ARID1B: variants seen among roughly 807,000 people sequenced by gnomAD.
ARID1B encodes AT-rich interactive domain-containing protein 1B.
ARID1B carries 30 observed loss-of-function variants against 212.3 expected under a neutral mutation model. The observed-to-expected ratio is 0.14, with a 90% CI of 0.11 to 0.19. The LOEUF (loss-of-function observed/expected upper bound fraction) is 0.19, where lower values mean the gene tolerates loss of function less well. Among genes scored for constraint, ARID1B ranks in the 10% least tolerant of loss-of-function variants. ARID1B has a pLI of 1.00. For missense variants in ARID1B, 2,891 were observed against 3,204.0 expected (o/e 0.90, Z 2.36); for synonymous variants, 1,402 against 1,301.7 (o/e 1.08, Z -1.66).
At chr6:157,044,671 C>T (rs1167537681) in intron 4 of ARID1B, among the ~76,000 whole-genome samples, 2 of 152,116 alleles carry the variant, frequency 1.3e-5, no homozygotes, top group African/African-American at 4.8e-5. Flanking sequence ...TACATTTTTC[C>T]AGTTTTAATC....
At position 156,915,896 on chromosome 6, in the gene ARID1B, CA is replaced by C. The variant is rs201509884; in HGVS notation, c.2136+14383del. ...GGGTGGACACAGCAAGACTCCGTCT[CA>C]AAAAAAAAAAAGCCCCACCTCTTTT... On this transcript the variant is annotated intron_variant, in intron 3 of 19. Coordinates refer to ENST00000636930, the MANE Select transcript of ARID1B (RefSeq NM_001374828.1). Among the ~76,000 whole-genome samples, 405 of 132,214 alleles carry C rather than the reference CA, an allele frequency of 3.1e-3. 1 individual carries two copies. The highest frequency in any genetic ancestry group is 4.4e-3 in the African/African-American group (156 of 35,838). 86.7% of individuals were successfully genotyped at this position (132,214 alleles called of 152,430 possible).
chr6:156,792,559 A>C (rs980478422), intron 1 of ARID1B, among the ~76,000 whole-genome samples: 10 of 152,254 alleles, frequency 6.6e-5, no homozygotes, highest in Admixed American at 4.6e-4. Context: ...TGTAAAATTC[A>C]GTATAAATAA....
Position 157,198,807 on chromosome 6 carries a change from C to G in ARID1B, c.4383-4C>G, listed in dbSNP as rs754882642. 6.2e-7 allele frequency: 1 copy of G among 1,607,470 alleles called. No homozygotes were observed. The highest frequency in any genetic ancestry group is 8.5e-7 in the Non-Finnish European group (1 of 1,175,944). ...TTAAGTTTTCTTTGAATGCCTCATT[C>G]CAGGCATGAACCTTATGGGCAGCAG... is the stretch of plus-strand genomic sequence containing the variant. On this transcript the variant is annotated splice_polypyrimidine_tract_variant and splice_region_variant and intron_variant, in intron 16 of 19. Coordinates refer to ENST00000636930, the MANE Select transcript of ARID1B (RefSeq NM_001374828.1).
intron 1 of ARID1B, among the ~76,000 whole-genome samples, chr6:156,785,534 T>A (rs1036022807): frequency 3.0e-4 from 45 of 152,132 alleles, no homozygotes; most frequent in Non-Finnish European, 8.8e-5. Context: ...GTTTTTTTTT[T>A]AAATAGAGGT....
chr6:156,851,924 G>C (rs1784604239), intron 2 of ARID1B, among the ~76,000 whole-genome samples: 1 of 152,118 alleles, frequency 6.6e-6, no homozygotes, highest in African/African-American at 2.4e-5. Flanking sequence ...ATTCTTTAAA[G>C]GTATTATGGA....
At chr6:156,853,003 C>G (rs1329151580) in intron 2 of ARID1B, among the ~76,000 whole-genome samples, 1 of 152,198 alleles carries the variant, frequency 6.6e-6, no homozygotes, top group Non-Finnish European at 1.5e-5. Context: ...TGGCTGGAAG[C>G]TTTGTGCTTC....
chr6:156,897,619 C>A (rs1788587289), intron 2 of ARID1B, among the ~76,000 whole-genome samples: 1 of 150,294 alleles, frequency 6.7e-6, no homozygotes, highest in Non-Finnish European at 1.5e-5. Context: ...TGATCTGAGG[C>A]ATTTTTTTTT....
chr6:156,869,030 T>TA (rs962362685), intron 2 of ARID1B, among the ~76,000 whole-genome samples: 182 of 151,570 alleles, frequency 1.2e-3, no homozygotes, highest in African/African-American at 3.7e-3. Context: ...ATTTCTGATT[T>TA]AAAAAAAAAT....
intron 11 of ARID1B, chr6:157,175,426 T>C (rs1483601345): frequency 6.6e-6 from 1 of 152,278 alleles, no homozygotes; most frequent in African/African-American, 2.4e-5. Context: ...ACCTGTATTT[T>C]GCATGTTCTA....
chr6:156,984,711 GGGTCTCGCTC>G (rs1777818096), intron 4 of ARID1B: 1 of 152,098 alleles, frequency 6.6e-6, no homozygotes, highest in Admixed American at 6.6e-5. Context: ...TTTTTAGAGA[GGGTCTCGCTC>G]TTTTGCCCAG....
chr6:157,162,785 G>A (rs951182209), intron 8 of ARID1B, among the ~76,000 whole-genome samples: 3 of 152,140 alleles, frequency 2.0e-5, no homozygotes, highest in African/African-American at 7.2e-5. Flanking sequence ...CTGGGGTCTG[G>A]GGTCAACACC....
chr6:157,048,316 T>C (rs1288601539), intron 4 of ARID1B, among the ~76,000 whole-genome samples: 1 of 152,226 alleles, frequency 6.6e-6, no homozygotes, highest in Non-Finnish European at 1.5e-5. Context: ...GCATAACAGA[T>C]GTATCACTGA....
At chr6:156,965,526 C>T (rs758328964) in intron 4 of ARID1B, among the ~76,000 whole-genome samples, 4 of 152,110 alleles carry the variant, frequency 2.6e-5, no homozygotes, top group African/African-American at 7.2e-5. Flanking sequence ...GCACTTAATC[C>T]GTGAATGTGT....
chr6:156,961,599 G>A (rs556759656), intron 4 of ARID1B, among the ~76,000 whole-genome samples: 1 of 152,174 alleles, frequency 6.6e-6, no homozygotes, highest in Non-Finnish European at 1.5e-5. Flanking sequence ...CTTGGTGGAA[G>A]CCTGGTGGTC....
intron 4 of ARID1B, among the ~76,000 whole-genome samples, chr6:157,032,237 A>T (rs1456404404): frequency 6.6e-6 from 1 of 152,252 alleles, no homozygotes; most frequent in South Asian, 2.1e-4. Flanking sequence ...CTTTACATTA[A>T]CACAGTTATG....
chr6:157,162,518 G>A (rs1468763984), intron 8 of ARID1B, among the ~76,000 whole-genome samples: 1 of 152,224 alleles, frequency 6.6e-6, no homozygotes, highest in Admixed American at 6.5e-5. Flanking sequence ...CCCGTGGGCA[G>A]GAATGAGGAG....
chr6:157,192,985 G>T (rs1361160681), intron 15 of ARID1B, among the ~76,000 whole-genome samples: 2 of 152,146 alleles, frequency 1.3e-5, no homozygotes, highest in Non-Finnish European at 2.9e-5. Flanking sequence ...AAGTAGCATG[G>T]TCAGAGTCTG....
chr6:157,059,958 A>G (rs186290745), intron 4 of ARID1B, among the ~76,000 whole-genome samples: 236 of 152,322 alleles, frequency 1.5e-3, no homozygotes, highest in Non-Finnish European at 2.7e-3. Flanking sequence ...TGTCCTTTCC[A>G]AGTGAATTAG....
At chr6:156,779,567 CCCGCGGGGG>C (rs1779048881) in intron 1 of ARID1B, 96 bp downstream of exon 1, 1 of 1,124,498 alleles carries the variant, frequency 8.9e-7, no homozygotes. Flanking sequence ...TCCCCGTCTT[CCCGCGGGGG>C]CGGCGGGGGC....
Sources: gnomAD v4.1 joint callset for allele counts (sites outside exome capture counted in the v4.1 genomes callset) on GRCh38, gnomAD v4.1.1 for gene constraint, MANE v1.5 for transcripts, NCBI Gene and HGNC (gene_info 2026-07-23, HGNC 2026-07-21) for gene names.